The following BRD4 variants were observed in gnomAD, a reference collection of about 807,000 sequenced individuals.
BRD4 encodes bromodomain containing 4, also known as bromodomain-containing protein 4.
BRD4 carries 16 observed loss-of-function variants against 142.1 expected under a neutral mutation model. The ratio of observed to expected loss-of-function variants is 0.11; its 90% CI spans 0.08 to 0.17. BRD4 has a LOEUF of 0.17. Among genes scored for constraint, BRD4 ranks in the 10% least tolerant of loss-of-function variants. BRD4 has a pLI of 1.00. For synonymous variants in BRD4, 833 were observed against 707.5 expected (o/e 1.18, Z -2.82); for missense variants, 1,424 against 1,810.9 (o/e 0.79, Z 3.88).
At chr19:15,249,829 G>A (rs1424843494) in intron 11 of BRD4, among the ~76,000 whole-genome samples, 1 of 152,072 alleles carries the variant, frequency 6.6e-6, no homozygotes, top group African/African-American at 2.4e-5. Flanking sequence ...CCAGTGGAGG[G>A]GAAAGAGCAA....
rs1290027086 is a variant in BRD4 at position 15,243,384 on chromosome 19, G to A, written c.2685C>T (p.Thr895=). The change falls in exon 14 of 20, where the codon ACC becomes ACT. Residue 895 remains threonine, a synonymous_variant. Transcript: ENST00000679869. ...GGGGCTGTGGGAGCAGGGGTGTTTG[G>A]GTCAAGGCTGGTGACACGGCTGGGG... ...ARPPAVSPAL[T]QTPLLPQPPM... is the part of the protein sequence containing the mutation. 1.3e-6 allele frequency: 2 copies of A among 1,535,434 alleles called. No individual in the cohort carries two copies. The highest frequency in any genetic ancestry group is 2.6e-5 in the South Asian group (2 of 77,576).
chr19:15,238,586 AC>A lies in BRD4; in HGVS notation c.4021-142del. 1.3e-6 allele frequency: 2 copies of A among 1,502,438 alleles called. No individual in the cohort carries two copies. Among genetic ancestry groups the A allele is most frequent in the Admixed American group, 4.5e-5 (2 of 44,814 alleles). The allele number at this position is 1,502,438 out of a possible 1,614,324, so 93.1% of individuals were successfully genotyped here. On this transcript the variant is annotated intron_variant, in intron 19 of 19. Transcript: ENST00000679869. The surrounding 1 kb of genome is among the most constrained non-coding windows in gnomAD (Gnocchi z 7.2). The stretch of plus-strand genomic sequence containing the variant: ...ATAGCGCTCACCCCGTCCACACAGC[AC>A]TCAGGGCCCTACAGCTGAGTCCAGA...
intron 11 of BRD4, chr19:15,248,503 C>T (rs572670055): frequency 3.1e-4 from 68 of 221,538 alleles, no homozygotes; most frequent in African/African-American, 1.5e-3. Flanking sequence ...GTCCTGCATA[C>T]TGCAGCCTGG....
chr19:15,262,951 G>C (rs1235644353), intron 7 of BRD4, among the ~76,000 whole-genome samples: 1 of 152,136 alleles, frequency 6.6e-6, no homozygotes, highest in Non-Finnish European at 1.5e-5. Context: ...CAACTTGAAG[G>C]AAGTGACCCA....
At chr19:15,246,234 G>A (rs915277057) in intron 11 of BRD4, among the ~76,000 whole-genome samples, 1 of 152,196 alleles carries the variant, frequency 6.6e-6, no homozygotes, top group Non-Finnish European at 1.5e-5. Flanking sequence ...GAAAGCTTGA[G>A]TAGATTTGCA....
intron 7 of BRD4, among the ~76,000 whole-genome samples, chr19:15,261,109 A>G (rs2047465964): frequency 6.6e-6 from 1 of 152,174 alleles, no homozygotes; most frequent in Admixed American, 6.6e-5. Flanking sequence ...AGAGAGTGGG[A>G]GAGAGGGAGC....
At chr19:15,297,962 G>A (rs946054990) in intron 1 of BRD4, among the ~76,000 whole-genome samples, 1 of 152,198 alleles carries the variant, frequency 6.6e-6, no homozygotes, top group South Asian at 2.1e-4. Context: ...GAAAGAAAAG[G>A]AAGCATTACA....
At chr19:15,310,999 T>G (rs1408036475) in intron 1 of BRD4, among the ~76,000 whole-genome samples, 2 of 151,658 alleles carry the variant, frequency 1.3e-5, no homozygotes, top group Non-Finnish European at 2.9e-5. Context: ...GTTCAAAAAG[T>G]AAGCAAGATG....
At chr19:15,243,633 C>T (rs1413676568) in intron 13 of BRD4, 146 bp from the exon 14 acceptor site, 14 of 1,337,394 alleles carry the variant, frequency 1.0e-5, no homozygotes, top group Non-Finnish European at 1.4e-5. Flanking sequence ...CTACCGTGGC[C>T]TCCCACAAAC....
intron 1 of BRD4, among the ~76,000 whole-genome samples, chr19:15,321,172 C>T (rs1269088595): frequency 2.0e-5 from 3 of 151,538 alleles, no homozygotes; most frequent in African/African-American, 4.9e-5. Flanking sequence ...GGCAGTGAGC[C>T]GAGATGGTGC....
chr19:15,270,938 T>C lies in BRD4; in HGVS notation c.285+1877A>G, dbSNP rs117497924. On this transcript the variant is annotated intron_variant, in intron 2 of 19. Coordinates refer to ENST00000679869, the MANE Select transcript of BRD4 (RefSeq NM_001379291.1). Reference sequence around the variant, plus strand: ...GCCACCATGGATCAGTCCCTTCTTCTTATGTCAGAGCTAATGAGGGCGACG... The same window carrying C: ...GCCACCATGGATCAGTCCCTTCTTCCTATGTCAGAGCTAATGAGGGCGACG... 5.6e-3 allele frequency among the ~76,000 whole-genome samples: 855 copies of C among 152,238 alleles called. 5 individuals carry two copies. Among genetic ancestry groups the C allele is most frequent in the Admixed American group, 0.016 (238 of 15,306 alleles).
chr19:15,280,895 C>T (rs534514533), intron 1 of BRD4, among the ~76,000 whole-genome samples: 1 of 152,352 alleles, frequency 6.6e-6, no homozygotes, highest in East Asian at 1.9e-4. Flanking sequence ...ATTCAATTTA[C>T]AGCAATTTAC....
At chr19:15,277,319 A>G (rs1420604129) in intron 1 of BRD4, among the ~76,000 whole-genome samples, 1 of 152,208 alleles carries the variant, frequency 6.6e-6, no homozygotes, top group African/African-American at 2.4e-5. Flanking sequence ...AAGGTTAGAC[A>G]ATGCTGTAGT....
chr19:15,259,684 G>T (rs975133462), intron 7 of BRD4, among the ~76,000 whole-genome samples: 1 of 152,174 alleles, frequency 6.6e-6, no homozygotes, highest in Non-Finnish European at 1.5e-5. Flanking sequence ...GTGGGCCCAG[G>T]GCTGCTGTAG....
chr19:15,262,524 T>TAAA (rs559468375), intron 7 of BRD4, among the ~76,000 whole-genome samples: 1 of 97,792 alleles, frequency 1.0e-5, no homozygotes, highest in East Asian at 2.8e-4. Context: ...CCCATCTCTT[T>TAAA]AAAAAAAAAA....
chr19:15,325,997 C>CAAAAAAAAAAAAAAAAA (rs35801340), intron 1 of BRD4, among the ~76,000 whole-genome samples: 1 of 50,742 alleles, frequency 2.0e-5, no homozygotes, highest in African/African-American at 8.1e-5. Context: ...GACTCCGTCT[C>CAAAAAAAAAAAAAAAAA]AAAAAAAAAA....
At chr19:15,243,976 T>C (rs984261128) in intron 13 of BRD4, among the ~76,000 whole-genome samples, 5 of 152,196 alleles carry the variant, frequency 3.3e-5, no homozygotes, top group Non-Finnish European at 5.9e-5. Flanking sequence ...CAAAATCATC[T>C]AGATTGTTAC....
intron 14 of BRD4, among the ~76,000 whole-genome samples, chr19:15,241,391 G>A (rs947740757): frequency 2.0e-5 from 3 of 152,246 alleles, no homozygotes; most frequent in African/African-American, 7.2e-5. Flanking sequence ...GGGTTCAGAG[G>A]ATGGCTCACG....
chr19:15,319,379 C>T (rs1858751673), intron 1 of BRD4, among the ~76,000 whole-genome samples: 1 of 152,080 alleles, frequency 6.6e-6, no homozygotes, highest in South Asian at 2.1e-4. Context: ...GTAGGAGGAT[C>T]ACCTAGGCCA....
Sources: gnomAD v4.1 joint callset for allele counts (sites outside exome capture counted in the v4.1 genomes callset) on GRCh38, gnomAD v4.1.1 for gene constraint, Gnocchi (gnomAD v3.1) non-coding constraint, MANE v1.5 for transcripts, NCBI Gene and HGNC (gene_info 2026-07-23, HGNC 2026-07-21) for gene names.